Variants in NHS observed in about 807,000 individuals in gnomAD.
NHS encodes the protein actin remodeling regulator NHS.
In NHS, 5 loss-of-function variants were observed where a neutral mutation model predicts 72.5. That is an observed-to-expected ratio of 0.07 (90% CI 0.04 to 0.14). The LOEUF (loss-of-function observed/expected upper bound fraction) is 0.14. Among genes scored for constraint, NHS ranks in the 10% least tolerant of loss-of-function variants. NHS has a pLI of 1.00. For synonymous variants in NHS, 464 were observed against 547.7 expected (o/e 0.85, Z 2.13); for missense variants, 1,072 against 1,355.7 (o/e 0.79, Z 3.29).
chrX:17,696,030 A>T (rs1325036021), intron 3 of NHS, among the ~76,000 whole-genome samples: 1 of 110,853 alleles, frequency 9.0e-6, no homozygotes, highest in Non-Finnish European at 1.9e-5. Context: ...ACATGAAGTT[A>T]CTGTGGACCT....
chrX:17,616,721 A>C (rs1343007598), intron 1 of NHS, among the ~76,000 whole-genome samples: 1 of 112,925 alleles, frequency 8.9e-6, no homozygotes, highest in East Asian at 2.8e-4. Flanking sequence ...AAAAGTAGAT[A>C]CACATATCCA....
At chrX:17,393,425 T>C (rs1281631128) in intron 1 of NHS, among the ~76,000 whole-genome samples, 2 of 112,392 alleles carry the variant, frequency 1.8e-5, no homozygotes, top group African/African-American at 6.5e-5. Context: ...TAAAAAAACA[T>C]TGGAGCATAG....
chrX:17,482,671 G>A (rs1215112101), intron 1 of NHS, among the ~76,000 whole-genome samples: 1 of 111,846 alleles, frequency 8.9e-6, no homozygotes, highest in African/African-American at 3.2e-5. Flanking sequence ...TGGGGATGGA[G>A]TTGGGAATTG....
intron 1 of NHS, among the ~76,000 whole-genome samples, chrX:17,606,500 G>A (rs781072698): frequency 8.9e-5 from 10 of 111,821 alleles, no homozygotes; most frequent in Non-Finnish European, 1.7e-4. Context: ...GCAGGGAGTT[G>A]TTTCTCTGTC....
chrX:17,494,229 C>A (rs1301620250), intron 1 of NHS, among the ~76,000 whole-genome samples: 1 of 108,994 alleles, frequency 9.2e-6, no homozygotes, highest in African/African-American at 3.4e-5. Context: ...CAGGTGCATG[C>A]CACCACACTC....
Position 17,550,693 on chromosome X carries a change from C to T in NHS, c.566-137049C>T, listed in dbSNP as rs1233291043. 2.7e-5 allele frequency among the ~76,000 whole-genome samples: 3 copies of T among 112,025 alleles called. No homozygotes were observed. The Admixed American group carries it at 2.8e-4, about 11-fold the overall frequency. Reference sequence around the variant, plus strand: ...ATTACTGAGGCAGCCTCCTAATGGTCTTCCCACTTCCCCCTCTGCCCACCT... The same window carrying T: ...ATTACTGAGGCAGCCTCCTAATGGTTTTCCCACTTCCCCCTCTGCCCACCT... On this transcript the variant is annotated intron_variant, in intron 1 of 8. Coordinates refer to ENST00000676302, the MANE Select transcript of NHS (RefSeq NM_001291867.2).
chrX:17,488,014 A>C (rs751929326), intron 1 of NHS, among the ~76,000 whole-genome samples: 1 of 110,942 alleles, frequency 9.0e-6, no homozygotes, highest in Non-Finnish European at 1.9e-5. Flanking sequence ...CAAAAATCCT[A>C]TTAATGTGTT....
chrX:17,595,193 G>C (rs973466933), intron 1 of NHS, among the ~76,000 whole-genome samples: 1 of 111,564 alleles, frequency 9.0e-6, no homozygotes, highest in African/African-American at 3.3e-5. Context: ...TGCCTTGCTG[G>C]GTGCAGATAG....
chrX:17,387,028 C>T (rs1209189774), intron 1 of NHS, among the ~76,000 whole-genome samples: 2 of 112,211 alleles, frequency 1.8e-5, no homozygotes, highest in African/African-American at 6.5e-5. Context: ...CCCACATCTT[C>T]GATAAAATTA....
chrX:17,704,874 G>C (rs754339100), intron 3 of NHS, among the ~76,000 whole-genome samples: 1 of 112,301 alleles, frequency 8.9e-6, no homozygotes, highest in East Asian at 2.8e-4. Flanking sequence ...ATAAAAATCA[G>C]GGAGGCTAAA....
intron 1 of NHS, chrX:17,687,148 G>T (rs935724732): frequency 2.4e-5 from 3 of 126,260 alleles, no homozygotes; most frequent in African/African-American, 9.5e-5. Context: ...ACCCCTGGGT[G>T]AAACCAAGGA....
chrX:17,639,977 T>C (rs2065872852), intron 1 of NHS, among the ~76,000 whole-genome samples: 1 of 112,046 alleles, frequency 8.9e-6, no homozygotes, highest in African/African-American at 3.2e-5. Context: ...ATGTATCAAG[T>C]TTTCGGTAAG....
chrX:17,732,219 G>A lies in NHS; in HGVS notation c.4711G>A (p.Glu1571Lys), dbSNP rs757905154. 4.4e-5 allele frequency: 53 copies of A among 1,210,252 alleles called. 1 individual carries two copies. In the South Asian group the frequency reaches 9.0e-4, roughly 21 times the overall value. ...DDAHQGSQGA[E>K]ALSPLSPCSP... ...TGCCCATCAGGGGTCACAAGGGGCT[G>A]AGGCATTGTCCCCACTCTCTCCATG... The change falls in exon 9 of 9, where the codon GAG (glutamate) becomes AAG (lysine). Residue 1571 changes from glutamate to lysine, a missense_variant. Coordinates refer to ENST00000676302, the MANE Select transcript of NHS (RefSeq NM_001291867.2).
At chrX:17,721,376 A>T in intron 4 of NHS, 65 bp from the exon 5 acceptor site, 4 of 1,114,156 alleles carry the variant, frequency 3.6e-6, no homozygotes, top group Non-Finnish European at 3.7e-6. Flanking sequence ...TAAACTAGGA[A>T]ATTCCTTATA....
At chrX:17,538,703 G>A (rs2065246278) in intron 1 of NHS, among the ~76,000 whole-genome samples, 1 of 112,151 alleles carries the variant, frequency 8.9e-6, no homozygotes, top group Non-Finnish European at 1.9e-5. Flanking sequence ...TTCTGGTCAT[G>A]CTCTCATCAA....
At chrX:17,574,491 A>G (rs1247892745) in intron 1 of NHS, among the ~76,000 whole-genome samples, 1 of 112,432 alleles carries the variant, frequency 8.9e-6, no homozygotes, top group African/African-American at 3.2e-5. Context: ...CTCCATGGGC[A>G]TGGGACCCAC....
intron 1 of NHS, among the ~76,000 whole-genome samples, chrX:17,558,622 C>G (rs780499691): frequency 8.9e-6 from 1 of 112,337 alleles, no homozygotes; most frequent in African/African-American, 3.2e-5. Context: ...GTCTTCTGAT[C>G]TGTCAAATGA....
At chrX:17,467,732 A>C (rs1416714055) in intron 1 of NHS, among the ~76,000 whole-genome samples, 3 of 111,995 alleles carry the variant, frequency 2.7e-5, no homozygotes, top group Non-Finnish European at 5.6e-5. Context: ...ACAGACAAAA[A>C]CAACAAAACC....
At chrX:17,545,782 A>G (rs747664200) in intron 1 of NHS, among the ~76,000 whole-genome samples, 2 of 112,118 alleles carry the variant, frequency 1.8e-5, no homozygotes, top group African/African-American at 6.5e-5. Flanking sequence ...AGCGGAGGTC[A>G]CTGTGCCTGA....
Sources: allele counts gnomAD v4.1 joint callset (sites outside exome capture counted in the v4.1 genomes callset), GRCh38; gene constraint gnomAD v4.1.1; transcripts MANE v1.5; gene names NCBI Gene and HGNC (gene_info 2026-07-23, HGNC 2026-07-21).